The following HMG20A variants were observed in gnomAD, a reference collection of about 807,000 sequenced individuals.
HMG20A encodes the protein high mobility group protein 20A.
Under a neutral mutation model 43.9 loss-of-function variants are expected in HMG20A, and 17 were observed. The observed-to-expected ratio is 0.39, with a 90% CI of 0.27 to 0.58. The LOEUF (loss-of-function observed/expected upper bound fraction) is 0.58, where lower values mean the gene tolerates loss of function less well. Among genes scored for constraint, HMG20A ranks in the 20% least tolerant of loss-of-function variants. The pLI is 0.59. For synonymous variants in HMG20A, 132 were observed against 147.5 expected, an observed-to-expected ratio of 0.89 and a Z score of 0.76; for missense variants, 341 against 438.2, an observed-to-expected ratio of 0.78 and a Z score of 1.98.
intron 6 of HMG20A, among the ~76,000 whole-genome samples, chr15:77,475,213 C>T (rs2072844665): frequency 6.6e-6 from 1 of 152,174 alleles, no homozygotes. Context: ...CCTCTCCATG[C>T]CGTGAAATGT....
chr15:77,516,668 A>C, the HMG20A span, among the ~76,000 whole-genome samples: 36,455 of 151,804 alleles, frequency 0.24, 5,133 homozygotes, highest in Non-Finnish European at 0.32. Context: ...AGTGGTGAGA[A>C]GGGCACTGAA....
intron 5 of HMG20A, among the ~76,000 whole-genome samples, 166 bp downstream of exon 5, chr15:77,471,208 C>T (rs1463249536): frequency 3.3e-5 from 5 of 152,144 alleles, no homozygotes; most frequent in African/African-American, 1.2e-4. Context: ...AATCACATTG[C>T]TCTCATTTAG....
At chr15:77,499,532 C>T in the HMG20A span, among the ~76,000 whole-genome samples, 3 of 152,090 alleles carry the variant, frequency 2.0e-5, no homozygotes, top group Non-Finnish European at 2.9e-5. Flanking sequence ...AATGCTCCCC[C>T]CCACACACAC....
chr15:77,479,218 A>G lies in HMG20A; in HGVS notation c.947A>G (p.Tyr316Cys), dbSNP rs753333536. 2 of 1,613,842 alleles carry G rather than the reference A, an allele frequency of 1.2e-6. No homozygotes were observed. Among genetic ancestry groups the G allele is most frequent in the Admixed American group, 1.7e-5 (1 of 60,028 alleles). ...CCTACAGTGGACACCATTGACTCAT[A>G]TATGAACAGACTGCACAGTATTATT... is the stretch of plus-strand genomic sequence containing the variant. ...ETPTVDTIDS[Y>C]MNRLHSIILA... Residue 316 changes from tyrosine to cysteine, a missense_variant, in exon 9 of 10, where the codon TAT becomes TGT. Physicochemically the swap from Tyr to Cys is radical, Grantham distance 194. Coordinates refer to ENST00000336216, the MANE Select transcript of HMG20A (RefSeq NM_001304504.2).
intron 1 of HMG20A, among the ~76,000 whole-genome samples, chr15:77,428,977 A>T (rs116951852): frequency 0.2 from 30,778 of 150,520 alleles, 3,910 homozygotes; most frequent in Middle Eastern, 0.3. Context: ...AAAAAAAAAA[A>T]GGAGGGGGGA....
chr15:77,484,494 G>T lies in HMG20A; in HGVS notation c.*1531G>T, dbSNP rs2072931558. The T allele has an allele frequency of 6.6e-6, 1 of 152,422 alleles. No homozygotes were observed. The highest frequency in any genetic ancestry group is 2.4e-5 in the African/African-American group (1 of 41,396). 9.4% of individuals were successfully genotyped at this position (152,422 alleles called of 1,614,324 possible). ...TCTCATAGTATGCCCATAAGTCAGGGCATAGGGCAGAACTACCTGTCATGT... is the reference window on the plus strand; with the variant it reads ...TCTCATAGTATGCCCATAAGTCAGGTCATAGGGCAGAACTACCTGTCATGT... On this transcript the variant is annotated 3_prime_UTR_variant, in exon 10 of 10. Transcript: ENST00000336216.
chr15:77,470,868 G>T, intron 4 of HMG20A, 42 bp from the exon 5 acceptor site: 3 of 1,497,292 alleles, frequency 2.0e-6, no homozygotes, highest in Non-Finnish European at 2.7e-6. Flanking sequence ...TATTTAAATA[G>T]GATCTCATTT....
intron 1 of HMG20A, among the ~76,000 whole-genome samples, chr15:77,454,735 A>G (rs1216395150): frequency 6.6e-6 from 1 of 152,180 alleles, no homozygotes; most frequent in African/African-American, 2.4e-5. Context: ...CAATGTAGCC[A>G]TTGAATCTAA....
At chr15:77,502,557 G>A in the HMG20A span, among the ~76,000 whole-genome samples, 2 of 152,156 alleles carry the variant, frequency 1.3e-5, no homozygotes, top group African/African-American at 4.8e-5. Flanking sequence ...ATTAGTTTCT[G>A]GTGTATGTCA....
chr15:77,500,297 A>C, the HMG20A span, among the ~76,000 whole-genome samples: 1 of 152,250 alleles, frequency 6.6e-6, no homozygotes, highest in African/African-American at 2.4e-5. Flanking sequence ...TTGCAGAACC[A>C]GAATTTGAAC....
At chr15:77,458,547 G>T in intron 2 of HMG20A, 51 bp downstream of exon 2, 1 of 1,251,144 alleles carries the variant, frequency 8.0e-7, no homozygotes, top group South Asian at 1.3e-5. Context: ...TCAAAACAAA[G>T]CTTCTAGCAA....
Position 77,477,543 on chromosome 15 carries a change from C to T in HMG20A, c.616-12C>T. 1 of 1,587,098 alleles carries T rather than the reference C, an allele frequency of 6.3e-7. No homozygotes were observed. Among genetic ancestry groups the T allele is most frequent in the South Asian group, 1.1e-5 (1 of 89,884 alleles). On this transcript the variant is annotated splice_polypyrimidine_tract_variant and intron_variant, in intron 6 of 9. Transcript: ENST00000336216. ...ATTAAGAATTAACTGTTTTGTTCCT[C>T]TTGATTCACAGAAAGAAACAGAGGT...
chr15:77,487,034 C>A (rs1182177073), downstream of HMG20A, among the ~76,000 whole-genome samples: 1 of 152,152 alleles, frequency 6.6e-6, no homozygotes, highest in East Asian at 1.9e-4. Context: ...CTCAAGGTCA[C>A]CCCGTGGTCC....
chr15:77,515,054 T>C, the HMG20A span, among the ~76,000 whole-genome samples: 4 of 152,014 alleles, frequency 2.6e-5, no homozygotes, highest in African/African-American at 9.7e-5. Context: ...GGGAGGAGGT[T>C]TTGGGGACAG....
intron 7 of HMG20A, among the ~76,000 whole-genome samples, chr15:77,477,954 G>A (rs908486144): frequency 1.3e-5 from 2 of 152,194 alleles, no homozygotes; most frequent in African/African-American, 4.8e-5. Context: ...ACCTACAGCT[G>A]TGCTTGGCCA....
the HMG20A span, among the ~76,000 whole-genome samples, chr15:77,519,641 G>A: frequency 6.6e-6 from 1 of 152,158 alleles, no homozygotes; most frequent in Non-Finnish European, 1.5e-5. Context: ...ACCCTTACCA[G>A]ACACCACATC....
the HMG20A span, among the ~76,000 whole-genome samples, chr15:77,491,028 G>A: frequency 6.6e-6 from 1 of 152,196 alleles, no homozygotes; most frequent in Admixed American, 6.5e-5. Context: ...AATTCTTGAC[G>A]CTTCTTAGGA....
At chr15:77,421,737 T>A (rs780970225) in intron 1 of HMG20A, among the ~76,000 whole-genome samples, 5 of 152,246 alleles carry the variant, frequency 3.3e-5, no homozygotes, top group African/African-American at 4.8e-5. Flanking sequence ...AAAATTGACA[T>A]CTTAAATTAT....
At chr15:77,489,961 A>C (rs2072964051), downstream of HMG20A, among the ~76,000 whole-genome samples, 1 of 152,184 alleles carries the variant, frequency 6.6e-6, no homozygotes, top group Non-Finnish European at 1.5e-5. Flanking sequence ...CTGAGTGACA[A>C]GATCTGATTT....
Sources: gnomAD v4.1 joint callset for allele counts (sites outside exome capture counted in the v4.1 genomes callset) on GRCh38, gnomAD v4.1.1 for gene constraint, MANE v1.5 for transcripts, NCBI Gene and HGNC (gene_info 2026-07-23, HGNC 2026-07-21) for gene names.